The following PDE12 variants were observed in gnomAD, a reference collection of about 807,000 sequenced individuals.
PDE12 encodes phosphodiesterase 12.
PDE12 carries 26 observed loss-of-function variants against 45.4 expected under a neutral mutation model. The observed-to-expected ratio is 0.57, with a 90% CI of 0.42 to 0.79. The LOEUF is 0.79. PDE12 is among the 30% of genes least tolerant of loss of function. The pLI is 0.00. For synonymous variants in PDE12, 283 were observed against 323.9 expected (o/e 0.87, Z 1.36); for missense variants, 668 against 790.0 (o/e 0.85, Z 1.85).
At chr3:57,596,887 G>C in the PDE12 span, 2 of 609,936 alleles carry the variant, frequency 3.3e-6, no homozygotes, top group Middle Eastern at 3.7e-4. Flanking sequence ...TCTGGCGACA[G>C]ATCGGGGGCG....
chr3:57,628,455 C>T, the PDE12 span: 1 of 1,391,622 alleles, frequency 7.2e-7, no homozygotes, highest in Non-Finnish European at 9.5e-7. Flanking sequence ...TACTTTCAGT[C>T]TTAGACCAGA....
chr3:57,556,764 G>C lies in PDE12; in HGVS notation c.385G>C (p.Glu129Gln), dbSNP rs755345752. 4 of 1,607,806 alleles carry C rather than the reference G, an allele frequency of 2.5e-6. No individual in the cohort carries two copies. The highest frequency in any genetic ancestry group is 3.4e-6 in the Non-Finnish European group (4 of 1,175,498). The change falls in exon 1 of 3, where the codon GAA becomes CAA. Residue 129 changes from glutamate (E) to glutamine (Q), a missense_variant. Physicochemically the swap from Glu to Gln is conservative, Grantham distance 29. Coordinates refer to ENST00000311180, the MANE Select transcript of PDE12 (RefSeq NM_177966.7). This position sits in a 1 kb window ranked among gnomAD's most constrained non-coding sequence, Gnocchi z 5.0. Reference protein sequence around the residue: ...CEPVVKLYYREEAVAEDVLNV... With the variant: ...CEPVVKLYYRQEAVAEDVLNV... ...GCCCGTGGTGAAGCTGTACTACCGG[G>C]AAGAGGCAGTGGCTGAGGACGTGCT...
chr3:57,644,636 G>A, the PDE12 span, among the ~76,000 whole-genome samples: 1 of 139,824 alleles, frequency 7.2e-6, no homozygotes, highest in Non-Finnish European at 1.5e-5. Flanking sequence ...AAGGTTAAAA[G>A]TGTAAATGTT....
the PDE12 span, chr3:57,626,810 A>C: frequency 6.6e-6 from 1 of 152,622 alleles, no homozygotes. Flanking sequence ...GCAAGGTAGT[A>C]TTGTTTAAAC....
chr3:57,600,386 T>A, the PDE12 span, among the ~76,000 whole-genome samples: 1 of 151,676 alleles, frequency 6.6e-6, no homozygotes, highest in Non-Finnish European at 1.5e-5. Context: ...TTTCTCTTTC[T>A]TTTCTTTCCT....
chr3:57,577,800 T>C, the PDE12 span, among the ~76,000 whole-genome samples: 1 of 152,194 alleles, frequency 6.6e-6, no homozygotes, highest in East Asian at 1.9e-4. Flanking sequence ...CCCAGCACTT[T>C]GGGAGGCTGA....
the PDE12 span, chr3:57,575,495 A>G: frequency 6.5e-7 from 1 of 1,527,908 alleles, no homozygotes; most frequent in Non-Finnish European, 8.8e-7. Flanking sequence ...TTACACAACT[A>G]TCCTAGTAAG....
rs1366753414 is a variant in PDE12 at position 57,560,328 on chromosome 3, T to C, written c.*324T>C. Reference sequence around the variant, plus strand: ...TTTTTTGTTTGTTTGTTTTTGTTTTTGTTTTTGTTTTTTTGAGATGGAGTT... The same window carrying C: ...TTTTTTGTTTGTTTGTTTTTGTTTTCGTTTTTGTTTTTTTGAGATGGAGTT... On this transcript the variant is annotated 3_prime_UTR_variant, in exon 3 of 3. Coordinates refer to ENST00000311180, the MANE Select transcript of PDE12 (RefSeq NM_177966.7). 9.3e-7 allele frequency: 1 copy of C among 1,078,016 alleles called. No homozygotes were observed. Among genetic ancestry groups the C allele is most frequent in the African/African-American group, 1.7e-5 (1 of 59,138 alleles). The allele number at this position is 1,078,016 out of a possible 1,614,324, so 66.8% of individuals were successfully genotyped here.
chr3:57,571,407 T>A (rs6907), downstream of PDE12: 38,109 of 152,292 alleles, frequency 0.25, 6,814 homozygotes, highest in African/African-American at 0.5. Flanking sequence ...AAATGGGTTA[T>A]GAAGAAAATG....
chr3:57,570,231 T>TC (rs1553729017), downstream of PDE12, among the ~76,000 whole-genome samples: 1 of 145,654 alleles, frequency 6.9e-6, no homozygotes, highest in Non-Finnish European at 1.5e-5. Context: ...TTTTTTTTTT[T>TC]TTTTTTTTGG....
chr3:57,632,465 C>T, the PDE12 span, among the ~76,000 whole-genome samples: 4 of 152,108 alleles, frequency 2.6e-5, no homozygotes, highest in Admixed American at 2.6e-4. Context: ...GCCTGAGCCA[C>T]TGTGCCCAGC....
chr3:57,655,765 C>G, the PDE12 span, among the ~76,000 whole-genome samples: 1 of 152,100 alleles, frequency 6.6e-6, no homozygotes, highest in East Asian at 1.9e-4. Flanking sequence ...AGTCCAAAAT[C>G]CAAAACACTT....
At chr3:57,649,593 A>C in the PDE12 span, among the ~76,000 whole-genome samples, 20 of 152,130 alleles carry the variant, frequency 1.3e-4, no homozygotes, top group African/African-American at 3.6e-4. Context: ...AATTGCAAAA[A>C]TATGGAACAA....
the PDE12 span, among the ~76,000 whole-genome samples, chr3:57,655,224 G>A: frequency 1.3e-5 from 2 of 152,010 alleles, no homozygotes; most frequent in African/African-American, 4.8e-5. Flanking sequence ...TAGTAGAGAC[G>A]GGGTTTCACC....
At chr3:57,599,098 G>A in the PDE12 span, among the ~76,000 whole-genome samples, 20 of 152,188 alleles carry the variant, frequency 1.3e-4, no homozygotes, top group African/African-American at 4.8e-4. Flanking sequence ...AGGGAGAAAT[G>A]AGACATCAAT....
chr3:57,604,623 G>T, the PDE12 span, among the ~76,000 whole-genome samples: 16 of 78,718 alleles, frequency 2.0e-4, 2 homozygotes, highest in African/African-American at 6.3e-4. Context: ...TTTTTGGGGG[G>T]GGTGGGTGGG....
At chr3:57,631,283 G>A in the PDE12 span, 1 of 226,608 alleles carries the variant, frequency 4.4e-6, no homozygotes, top group Non-Finnish European at 8.6e-6. Context: ...TACAACCTCT[G>A]CCCCCCGGGT....
chr3:57,654,757 C>A, the PDE12 span: 2,876 of 985,354 alleles, frequency 2.9e-3, 76 homozygotes, highest in African/African-American at 0.046. Context: ...CTACACTCAA[C>A]TGTATCTCTG....
the PDE12 span, chr3:57,577,472 G>T: frequency 3.0e-6 from 3 of 1,007,888 alleles, no homozygotes; most frequent in Non-Finnish European, 4.6e-6. Flanking sequence ...TGGTACCAAT[G>T]GTTAGACATT....
Sources: gnomAD v4.1 joint callset for allele counts (sites outside exome capture counted in the v4.1 genomes callset) on GRCh38, gnomAD v4.1.1 for gene constraint, Gnocchi (gnomAD v3.1) non-coding constraint, MANE v1.5 for transcripts, NCBI Gene and HGNC (gene_info 2026-07-23, HGNC 2026-07-21) for gene names.